Variants in ITGB6 observed in about 807,000 individuals in gnomAD.
ITGB6 encodes the protein integrin subunit beta 6.
A neutral mutation model predicts 84.5 loss-of-function variants in ITGB6; 80 were observed. The ratio of observed to expected loss-of-function variants is 0.95; its 90% CI spans 0.79 to 1.14. ITGB6 has a LOEUF of 1.14. ITGB6 is among the 50% of genes most tolerant of loss of function. The pLI, the probability that ITGB6 is intolerant of heterozygous loss-of-function variation, is 0.00. For missense variants in ITGB6, 1,006 were observed against 968.0 expected, an observed-to-expected ratio of 1.04 and a Z score of -0.52; for synonymous variants, 383 against 354.9, an observed-to-expected ratio of 1.08 and a Z score of -0.89.
chr2:160,112,797 G>GAA (rs958348291), intron 12 of ITGB6, among the ~76,000 whole-genome samples: 2 of 132,988 alleles, frequency 1.5e-5, no homozygotes, highest in African/African-American at 5.5e-5. Flanking sequence ...TTCTTAATTT[G>GAA]AAAAAAAAAA....
chr2:160,174,035 G>T lies in ITGB6; in HGVS notation c.698C>A (p.Ser233Tyr). The T allele has an allele frequency of 6.2e-7, 1 of 1,613,706 alleles. No homozygotes were observed. The highest frequency in any genetic ancestry group is 8.5e-7 in the Non-Finnish European group (1 of 1,179,912). ...ACCTTCGGGTGTGTCAATATTAGCA[G>T]AAATTTTCTGATTCTTCACAATTTC... Reference protein sequence around the residue: ...FNEIVKNQKISANIDTPEGGF... With the variant: ...FNEIVKNQKIYANIDTPEGGF... Residue 233 changes from serine (S) to tyrosine (Y), a missense_variant, in exon 5 of 15, where the codon TCT (serine) becomes TAT (tyrosine). Physicochemically the swap from Ser to Tyr is moderately radical, Grantham distance 144 (BLOSUM62 -2). Transcript: ENST00000283249.
rs1270760123 is a variant in ITGB6 at position 160,196,398 on chromosome 2, A to G, written c.164T>C (p.Val55Ala). ...AQENFTHPSGVGERCDTPANL... is the reference protein window; with the variant it reads ...AQENFTHPSGAGERCDTPANL... The stretch of plus-strand genomic sequence containing the variant: ...TGCTGGGGTATCACACCTTTCGCCA[A>G]CTCCAGATGGATGAGTAAAATTCTA... Residue 55 changes from valine (V) to alanine (A), a missense_variant, in exon 3 of 15, where the codon GTT becomes GCT. Physicochemically the swap from Val to Ala is moderately conservative, Grantham distance 64 (BLOSUM62 0). Coordinates refer to ENST00000283249, the MANE Select transcript of ITGB6 (RefSeq NM_000888.5). 3.7e-6 allele frequency: 6 copies of G among 1,613,286 alleles called. No homozygotes were observed. The highest frequency in any genetic ancestry group is 5.1e-6 in the Non-Finnish European group (6 of 1,179,656).
intron 4 of ITGB6, among the ~76,000 whole-genome samples, chr2:160,189,493 A>G (rs1686048630): frequency 6.6e-6 from 1 of 152,198 alleles, no homozygotes; most frequent in Non-Finnish European, 1.5e-5. Context: ...CAATGAACTC[A>G]AACAAATTTA....
At chr2:160,132,018 A>G (rs1054007554) in intron 10 of ITGB6, among the ~76,000 whole-genome samples, 2 of 152,120 alleles carry the variant, frequency 1.3e-5, no homozygotes, top group Non-Finnish European at 2.9e-5. Flanking sequence ...TAGTATCTCT[A>G]TTATATTTTG....
chr2:160,176,509 A>C (rs1034993068), intron 4 of ITGB6, among the ~76,000 whole-genome samples: 4 of 152,158 alleles, frequency 2.6e-5, no homozygotes, highest in African/African-American at 7.2e-5. Flanking sequence ...TCTTATTTTT[A>C]ATATTGTTCA....
At chr2:160,197,345 G>A (rs1686383947) in intron 2 of ITGB6, among the ~76,000 whole-genome samples, 1 of 152,092 alleles carries the variant, frequency 6.6e-6, no homozygotes, top group African/African-American at 2.4e-5. Flanking sequence ...TTTCCCACAA[G>A]GATAGCAGAG....
chr2:160,166,495 G>A (rs1323928467), intron 7 of ITGB6, among the ~76,000 whole-genome samples: 1 of 152,100 alleles, frequency 6.6e-6, no homozygotes, highest in Admixed American at 6.6e-5. Flanking sequence ...TAGCTTACTA[G>A]GAAAGAGAAG....
chr2:160,128,509 G>A (rs1450768557), intron 10 of ITGB6, among the ~76,000 whole-genome samples: 1 of 152,162 alleles, frequency 6.6e-6, no homozygotes, highest in Non-Finnish European at 1.5e-5. Flanking sequence ...TCAGTAGACA[G>A]GGTCAAGCTA....
intron 14 of ITGB6, among the ~76,000 whole-genome samples, chr2:160,106,627 T>C (rs1467311453): frequency 6.6e-6 from 1 of 152,238 alleles, no homozygotes; most frequent in Non-Finnish European, 1.5e-5. Context: ...TTGGCTGTTG[T>C]ATCTAAATGC....
chr2:160,190,404 C>T (rs578070549), intron 4 of ITGB6, among the ~76,000 whole-genome samples: 4 of 151,966 alleles, frequency 2.6e-5, no homozygotes, highest in East Asian at 1.9e-4. Context: ...AGACTTACAG[C>T]GAAAACACCG....
intron 7 of ITGB6, among the ~76,000 whole-genome samples, chr2:160,159,369 C>T (rs183784885): frequency 6.6e-6 from 1 of 152,262 alleles, no homozygotes; most frequent in Non-Finnish European, 1.5e-5. Context: ...TGGTGTAGAA[C>T]AGTCTATCAG....
intron 3 of ITGB6, 75 bp from the exon 4 acceptor site, chr2:160,195,690 C>T (rs559762156): frequency 1.9e-5 from 30 of 1,543,506 alleles, no homozygotes; most frequent in Middle Eastern, 4.6e-4. Context: ...CTCGCTGGGT[C>T]AGCTGGCTAT....
chr2:160,134,836 C>CT (rs1411196341), intron 10 of ITGB6, among the ~76,000 whole-genome samples: 1 of 152,220 alleles, frequency 6.6e-6, no homozygotes, highest in Non-Finnish European at 1.5e-5. Context: ...CAGAAAAGGC[C>CT]TTTGACAAAA....
At chr2:160,189,746 A>G (rs1280362303) in intron 4 of ITGB6, among the ~76,000 whole-genome samples, 26 of 152,030 alleles carry the variant, frequency 1.7e-4, no homozygotes, top group Non-Finnish European at 5.9e-5. Flanking sequence ...ACACTTTTAC[A>G]CTGTTGGTGG....
Position 160,126,519 on chromosome 2 carries a change from G to T in ITGB6, c.1743C>A (p.Asp581Glu). 1 of 1,614,162 alleles carries T rather than the reference G, an allele frequency of 6.2e-7. No individual in the cohort carries two copies. The highest frequency in any genetic ancestry group is 2.2e-5 in the East Asian group (1 of 44,882). Reference protein sequence around the residue: ...GEYCNCTTSTDSCVSEDGVLC... With the variant: ...GEYCNCTTSTESCVSEDGVLC... ...GCACTCCATCTTCAGAGACGCAGGA[G>T]TCCGTGCTGGTGGTGCAGTTGCAGT... Residue 581 changes from aspartate (D) to glutamate (E), a missense_variant, in exon 11 of 15, where the codon GAC becomes GAA. Coordinates refer to ENST00000283249, the MANE Select transcript of ITGB6 (RefSeq NM_000888.5).
rs529690055 is a variant in ITGB6 at position 160,130,057 on chromosome 2, A to T, written c.1661-3456T>A. On this transcript the variant is annotated intron_variant, in intron 10 of 14. Transcript: ENST00000283249. Reference sequence around the variant, plus strand: ...TAAACACCATAGAGTATATGTACACAAACTTAGATGGTAAACCTGCTGCAC... The same window carrying T: ...TAAACACCATAGAGTATATGTACACTAACTTAGATGGTAAACCTGCTGCAC... 2.3e-3 allele frequency among the ~76,000 whole-genome samples: 343 copies of T among 152,248 alleles called. 1 individual carries two copies. The highest frequency in any genetic ancestry group is 7.7e-3 in the African/African-American group (321 of 41,550).
intron 7 of ITGB6, among the ~76,000 whole-genome samples, chr2:160,156,318 C>T (rs996865367): frequency 6.6e-6 from 1 of 152,182 alleles, no homozygotes. Flanking sequence ...TCATCTGCCT[C>T]TTTCTATGCC....
chr2:160,154,902 T>A (rs542335226), intron 7 of ITGB6, among the ~76,000 whole-genome samples: 59 of 152,304 alleles, frequency 3.9e-4, no homozygotes, highest in African/African-American at 1.4e-3. Context: ...TGAATTGTAA[T>A]CCCCAATGTT....
At chr2:160,199,331 T>C in intron 1 of ITGB6, 73 bp from the exon 2 acceptor site, 2 of 1,102,354 alleles carry the variant, frequency 1.8e-6, no homozygotes, top group Non-Finnish European at 2.8e-6. Context: ...CTGATGGCTC[T>C]TACATTACTT....
Sources: allele counts gnomAD v4.1 joint callset (sites outside exome capture counted in the v4.1 genomes callset), GRCh38; gene constraint gnomAD v4.1.1; transcripts MANE v1.5; gene names NCBI Gene and HGNC (gene_info 2026-07-23, HGNC 2026-07-21).